Variants in SYNDIG1 observed in about 807,000 individuals in gnomAD.
SYNDIG1 encodes synapse differentiation-inducing gene protein 1.
A neutral mutation model predicts 19.4 loss-of-function variants in SYNDIG1; 9 were observed. The observed-to-expected ratio is 0.46, with a 90% confidence interval of 0.28 to 0.81. SYNDIG1 has a LOEUF of 0.81. Among genes scored for constraint, SYNDIG1 ranks in the 30% least tolerant of loss-of-function variants. The pLI, the probability that SYNDIG1 is intolerant of heterozygous loss-of-function variation, is 0.12. For missense variants in SYNDIG1, 311 were observed against 343.3 expected (o/e 0.91, Z 0.74); for synonymous variants, 141 against 145.9 (o/e 0.97, Z 0.24).
At chr20:24,611,333 C>G (rs1264953353) in intron 3 of SYNDIG1, among the ~76,000 whole-genome samples, 1 of 152,148 alleles carries the variant, frequency 6.6e-6, no homozygotes, top group African/African-American at 2.4e-5. Context: ...TCCCTTTTCT[C>G]TTGTGTCAGC....
intron 3 of SYNDIG1, among the ~76,000 whole-genome samples, chr20:24,646,564 CCTT>C (rs997739217): frequency 3.3e-5 from 5 of 152,154 alleles, no homozygotes; most frequent in Non-Finnish European, 5.9e-5. Context: ...TCAAGTCTCT[CCTT>C]CTACTTTTTG....
intron 1 of SYNDIG1, among the ~76,000 whole-genome samples, chr20:24,510,306 C>A (rs370044749): frequency 1.3e-5 from 2 of 151,874 alleles, no homozygotes; most frequent in East Asian, 1.9e-4. Context: ...CAGTGACTCA[C>A]GCCTGTAATC....
intron 2 of SYNDIG1, among the ~76,000 whole-genome samples, chr20:24,582,738 C>G (rs2058351328): frequency 6.6e-6 from 1 of 152,144 alleles, no homozygotes; most frequent in Non-Finnish European, 1.5e-5. Context: ...TGTTTGGAGA[C>G]CATATGGGGG....
At chr20:24,640,354 CGA>C (rs142254268) in intron 3 of SYNDIG1, among the ~76,000 whole-genome samples, 119 of 134,426 alleles carry the variant, frequency 8.9e-4, no homozygotes, top group Admixed American at 1.7e-3. Flanking sequence ...ACATTGAGAG[CGA>C]GAGAGAGAGA....
intron 1 of SYNDIG1, among the ~76,000 whole-genome samples, chr20:24,540,568 T>C (rs1235062483): frequency 6.6e-6 from 1 of 152,208 alleles, no homozygotes; most frequent in Admixed American, 6.5e-5. Flanking sequence ...GTTTCATGTT[T>C]TTATCATGAA....
rs189707879 is a variant in SYNDIG1, at chr20:24,610,387, G to A, written c.618+25394G>A. The stretch of plus-strand genomic sequence containing the variant: ...TCATTCCAGAGCCACCTGTGTCCAC[G>A]CAACGATTCCGGATCACCCGCCGTG... On this transcript the variant is annotated intron_variant, in intron 3 of 3. Transcript: ENST00000376862. Among the ~76,000 whole-genome samples the A allele has an allele frequency of 2.3e-3, 346 of 152,304 alleles. 2 individuals are homozygous for A. The highest frequency in any genetic ancestry group is 7.6e-3 in the African/African-American group (316 of 41,556).
At chr20:24,554,891 C>T (rs1318423733) in intron 2 of SYNDIG1, among the ~76,000 whole-genome samples, 1 of 151,760 alleles carries the variant, frequency 6.6e-6, no homozygotes, top group African/African-American at 2.4e-5. Flanking sequence ...ACCAGTTCCT[C>T]CTTGTACCTC....
chr20:24,530,423 A>G (rs2057232245), intron 1 of SYNDIG1, among the ~76,000 whole-genome samples: 1 of 152,208 alleles, frequency 6.6e-6, no homozygotes, highest in Non-Finnish European at 1.5e-5. Context: ...TTAAATGCTA[A>G]ATAGTAATAA....
rs889588317 is a variant in SYNDIG1, at chr20:24,651,600, G to A, written c.619-13746G>A. Among the ~76,000 whole-genome samples the A allele has an allele frequency of 7.9e-5, 12 of 152,318 alleles. No individual in the cohort carries two copies. The East Asian group carries it at 2.1e-3, about 27-fold the overall frequency. On this transcript the variant is annotated intron_variant, in intron 3 of 3. Coordinates refer to ENST00000376862, the MANE Select transcript of SYNDIG1 (RefSeq NM_024893.3). Reference sequence around the variant, plus strand: ...GTCTAATACAAAATGAGCTAAGGACGCTTCCTCTCCTGGGCCACCAGGTGA... The same window carrying A: ...GTCTAATACAAAATGAGCTAAGGACACTTCCTCTCCTGGGCCACCAGGTGA...
chr20:24,536,612 C>G (rs886956482), intron 1 of SYNDIG1, among the ~76,000 whole-genome samples: 6 of 152,056 alleles, frequency 3.9e-5, no homozygotes, highest in Non-Finnish European at 8.8e-5. Context: ...CTCAGGTGAG[C>G]CAAGCTGAAC....
chr20:24,510,405 C>T (rs1348051936), intron 1 of SYNDIG1, among the ~76,000 whole-genome samples: 1 of 147,378 alleles, frequency 6.8e-6, no homozygotes, highest in Non-Finnish European at 1.5e-5. Context: ...CCCATCTGTA[C>T]TTAAAAAAAA....
chr20:24,475,896 TATCACCCAGGCTGGAGTGCAGTGGCACA>T (rs1227609340), intron 1 of SYNDIG1, among the ~76,000 whole-genome samples: 1 of 151,638 alleles, frequency 6.6e-6, no homozygotes, highest in East Asian at 1.9e-4. Context: ...CGTCTCACTC[TATCACCCAGGCTGGAGTGCAGTGGCACA>T]ATCTCAGCTT....
intron 1 of SYNDIG1, among the ~76,000 whole-genome samples, chr20:24,521,974 A>T (rs970429167): frequency 1.3e-5 from 2 of 151,732 alleles, no homozygotes; most frequent in South Asian, 4.2e-4. Context: ...GGCCCCTAAC[A>T]TATCACTTCA....
chr20:24,640,473 A>AGAAGGAAGGAAGGAAGGAAG (rs201004570), intron 3 of SYNDIG1, among the ~76,000 whole-genome samples: 55 of 100,574 alleles, frequency 5.5e-4, no homozygotes, highest in African/African-American at 1.8e-3. Flanking sequence ...AGGGAGGGAA[A>AGAAGGAAGGAAGGAAGGAAG]GAAGGAAGGA....
chr20:24,598,772 G>T (rs2058634670), intron 3 of SYNDIG1, among the ~76,000 whole-genome samples: 1 of 152,102 alleles, frequency 6.6e-6, no homozygotes, highest in Non-Finnish European at 1.5e-5. Flanking sequence ...ATCCCAAAGG[G>T]TCAGTTTTGT....
intron 1 of SYNDIG1, among the ~76,000 whole-genome samples, chr20:24,491,172 C>A (rs1461504249): frequency 6.6e-6 from 1 of 152,206 alleles, no homozygotes; most frequent in Non-Finnish European, 1.5e-5. Flanking sequence ...CCTTAAGATG[C>A]TAACCAGTTG....
chr20:24,553,127 C>T (rs1269088011), intron 2 of SYNDIG1, among the ~76,000 whole-genome samples: 1 of 151,698 alleles, frequency 6.6e-6, no homozygotes, highest in Non-Finnish European at 1.5e-5. Flanking sequence ...AGTGTCTGTT[C>T]ATGTCCTTCG....
At chr20:24,632,898 G>A (rs2059265146) in intron 3 of SYNDIG1, among the ~76,000 whole-genome samples, 1 of 151,502 alleles carries the variant, frequency 6.6e-6, no homozygotes, top group Non-Finnish European at 1.5e-5. Flanking sequence ...AACTTGAAAT[G>A]AACTTATTTT....
chr20:24,557,688 G>C (rs537247777), intron 2 of SYNDIG1, among the ~76,000 whole-genome samples: 3 of 152,218 alleles, frequency 2.0e-5, no homozygotes, highest in Admixed American at 2.0e-4. Context: ...AGGAGTACCC[G>C]GCCATGTGAG....
Sources: gnomAD v4.1 joint callset for allele counts (sites outside exome capture counted in the v4.1 genomes callset) on GRCh38, gnomAD v4.1.1 for gene constraint, MANE v1.5 for transcripts, NCBI Gene and HGNC (gene_info 2026-07-23, HGNC 2026-07-21) for gene names.